IPO7: variants seen among roughly 807,000 people sequenced by gnomAD.
IPO7 encodes the protein importin-7.
A neutral mutation model predicts 136.4 loss-of-function variants in IPO7; 13 were observed. The observed-to-expected ratio is 0.10, with a 90% CI of 0.06 to 0.15. The LOEUF (loss-of-function observed/expected upper bound fraction) is 0.15. Among genes scored for constraint, IPO7 ranks in the 10% least tolerant of loss-of-function variants. IPO7 has a pLI of 1.00. For synonymous variants in IPO7, 403 were observed against 404.4 expected (o/e 1.00, Z 0.04); for missense variants, 857 against 1,240.6 (o/e 0.69, Z 4.65).
intron 11 of IPO7, 35 bp from the exon 12 acceptor site, chr11:9,425,111 C>G (rs773712556): frequency 1.8e-5 from 25 of 1,387,104 alleles, no homozygotes; most frequent in Non-Finnish European, 4.1e-6. Flanking sequence ...GACTGTTGGC[C>G]TATTCAGTAA....
intron 5 of IPO7, among the ~76,000 whole-genome samples, chr11:9,416,721 ATAAAAT>A (rs1384221196): frequency 2.6e-5 from 4 of 152,216 alleles, no homozygotes; most frequent in African/African-American, 9.6e-5. Flanking sequence ...AAAGCATTTG[ATAAAAT>A]TAAATAACCA....
At chr11:9,404,327 T>C (rs1474529682) in intron 2 of IPO7, among the ~76,000 whole-genome samples, 1 of 151,340 alleles carries the variant, frequency 6.6e-6, no homozygotes, top group Non-Finnish European at 1.5e-5. Context: ...TAGCCGGGCG[T>C]GGTGGCGGGC....
chr11:9,434,007 T>C (rs181324535), intron 18 of IPO7, among the ~76,000 whole-genome samples, 161 bp downstream of exon 18: 21 of 151,416 alleles, frequency 1.4e-4, no homozygotes, highest in African/African-American at 4.8e-4. Flanking sequence ...CATCGCAACC[T>C]ATGCCTCCTG....
chr11:9,433,311 G>A (rs1855326077), intron 16 of IPO7: 2 of 445,270 alleles, frequency 4.5e-6, no homozygotes, highest in Admixed American at 7.7e-5. Flanking sequence ...ATAGTTGTTT[G>A]CATTTTTCGA....
chr11:9,394,129 G>T (rs144423968), intron 1 of IPO7, among the ~76,000 whole-genome samples: 1 of 151,962 alleles, frequency 6.6e-6, no homozygotes, highest in Admixed American at 6.6e-5. Context: ...CGCCCTCCTC[G>T]GCCTCCCAAA....
chr11:9,389,946 G>A (rs547024341), intron 1 of IPO7, among the ~76,000 whole-genome samples: 4 of 152,236 alleles, frequency 2.6e-5, no homozygotes, highest in East Asian at 1.9e-4. Context: ...TAGTAGAGAC[G>A]GGGTTTCACC....
intron 1 of IPO7, among the ~76,000 whole-genome samples, chr11:9,396,617 T>C (rs756510565): frequency 6.6e-6 from 1 of 152,168 alleles, no homozygotes; most frequent in Non-Finnish European, 1.5e-5. Flanking sequence ...AACAATCCTA[T>C]TTTCTGTCTA....
intron 1 of IPO7, among the ~76,000 whole-genome samples, chr11:9,395,231 A>ATTTTAT (rs530380861): frequency 2.5e-4 from 38 of 152,080 alleles, no homozygotes; most frequent in South Asian, 1.2e-3. Context: ...AATTAAGCTT[A>ATTTTAT]TTTTATTTTT....
At chr11:9,407,783 A>C (rs1344384035) in intron 2 of IPO7, among the ~76,000 whole-genome samples, 4 of 152,324 alleles carry the variant, frequency 2.6e-5, no homozygotes, top group African/African-American at 9.6e-5. Context: ...TTCCCTTTAC[A>C]GTACATCTTA....
At chr11:9,390,914 C>A (rs186419408) in intron 1 of IPO7, among the ~76,000 whole-genome samples, 1 of 151,930 alleles carries the variant, frequency 6.6e-6, no homozygotes, top group South Asian at 2.1e-4. Flanking sequence ...GGACTGCAGG[C>A]GCCCGCCACC....
rs1425089711 is a variant in IPO7, at chr11:9,429,616, A to G, written c.1592-58A>G. On this transcript the variant is annotated intron_variant, in intron 14 of 24. Coordinates refer to ENST00000379719, the MANE Select transcript of IPO7 (RefSeq NM_006391.3). ...TAAAAAACTCATCGATATTTGTTAT[A>G]TCAGGTTTTAAGAAGTTTTAGGGGT... 12 of 1,364,860 alleles carry G rather than the reference A, an allele frequency of 8.8e-6. No homozygotes were observed. In the South Asian group the frequency reaches 1.2e-4, roughly 13 times the overall value. 84.5% of individuals were successfully genotyped at this position (1,364,860 alleles called of 1,614,324 possible).
At chr11:9,436,220 C>T in intron 19 of IPO7, 51 bp from the exon 20 acceptor site, 1 of 1,267,190 alleles carries the variant, frequency 7.9e-7, no homozygotes, top group South Asian at 1.2e-5. Flanking sequence ...GATTTAGATA[C>T]CTGATTTAAA....
At chr11:9,406,176 T>G (rs140866528) in intron 2 of IPO7, among the ~76,000 whole-genome samples, 111 of 139,228 alleles carry the variant, frequency 8.0e-4, no homozygotes, top group African/African-American at 2.8e-3. Flanking sequence ...TGGTTTCGGC[T>G]TCCAAAGTAT....
Position 9,424,592 on chromosome 11 carries a change from AAATTAG to A in IPO7, c.1142-321_1142-316del, listed in dbSNP as rs1477409311. 1.3e-4 allele frequency among the ~76,000 whole-genome samples: 20 copies of A among 152,258 alleles called. No individual in the cohort carries two copies. In the East Asian group the frequency reaches 3.9e-3, roughly 29 times the overall value. ...AACCCCATCTCTACTAAAAATACAA[AAATTAG>A]CCGGGCGTGGTGGCAGGCACCTGTA... On this transcript the variant is annotated intron_variant, in intron 10 of 24. Transcript: ENST00000379719.
chr11:9,422,021 TA>T (rs1855139497), intron 8 of IPO7, among the ~76,000 whole-genome samples: 1 of 152,332 alleles, frequency 6.6e-6, no homozygotes, highest in South Asian at 2.1e-4. Flanking sequence ...GGCTCACGCC[TA>T]TAATCCCAGC....
chr11:9,401,520 C>T (rs1051303723), intron 1 of IPO7, among the ~76,000 whole-genome samples: 1 of 148,526 alleles, frequency 6.7e-6, no homozygotes, highest in Non-Finnish European at 1.5e-5. Flanking sequence ...CATAGCGAGA[C>T]CTGATACCTA....
At chr11:9,409,809 TA>T in intron 3 of IPO7, 118 bp from the exon 4 acceptor site, 1 of 706,806 alleles carries the variant, frequency 1.4e-6, no homozygotes, top group Non-Finnish European at 2.2e-6. Flanking sequence ...TGTGTACATC[TA>T]AAATCACTGG....
At position 9,414,301 on chromosome 11, in the gene IPO7, C is replaced by A. The variant is rs1311914741; in HGVS notation, c.526C>A (p.His176Asn). 2 of 1,613,078 alleles carry A rather than the reference C, an allele frequency of 1.2e-6. No homozygotes were observed. The highest frequency in any genetic ancestry group is 1.7e-6 in the Non-Finnish European group (2 of 1,179,366). ...ERSPLVAAMQ[H>N]FLPVLKDRFI... ...GAGTCCATTGGTAGCAGCAATGCAG[C>A]ATTTTCTGCCAGTTCTAAAGGATCG... Residue 176 changes from histidine (H) to asparagine (N), a missense_variant, in exon 5 of 25, where the codon CAT (histidine) becomes AAT (asparagine). By Grantham distance (68) the His-to-Asn change is moderately conservative. Coordinates refer to ENST00000379719, the MANE Select transcript of IPO7 (RefSeq NM_006391.3).
intron 1 of IPO7, among the ~76,000 whole-genome samples, chr11:9,397,552 C>A (rs1854733367): frequency 6.6e-6 from 1 of 150,654 alleles, no homozygotes; most frequent in African/African-American, 2.4e-5. Flanking sequence ...TCCAACATGG[C>A]TTCCAAACAT....
Sources: gnomAD v4.1 joint callset for allele counts (sites outside exome capture counted in the v4.1 genomes callset) on GRCh38, gnomAD v4.1.1 for gene constraint, MANE v1.5 for transcripts, NCBI Gene and HGNC (gene_info 2026-07-23, HGNC 2026-07-21) for gene names.